Variants in C4orf50 observed in about 807,000 individuals in gnomAD.
The protein encoded by C4orf50 is chromosome 4 open reading frame 50, also known as uncharacterized protein C4orf50.
C4orf50 carries 80 observed loss-of-function variants against 77.2 expected under a neutral mutation model. The observed-to-expected ratio is 1.04, with a 90% confidence interval of 0.87 to 1.25. The LOEUF (loss-of-function observed/expected upper bound fraction) is 1.25, where lower values mean the gene tolerates loss of function less well. C4orf50 is among the 50% of genes most tolerant of loss of function. C4orf50 has a pLI of 0.00. For missense variants in C4orf50, 1,257 were observed against 1,152.9 expected (o/e 1.09, Z -1.31); for synonymous variants, 532 against 465.3 (o/e 1.14, Z -1.84).
exon 28 of C4orf50, chr4:5,990,027 G>A: frequency 7.3e-7 from 1 of 1,362,160 alleles, no homozygotes; most frequent in Non-Finnish European, 9.4e-7. Flanking sequence ...CATGAGCCCT[G>A]GAGAAGGTGG....
At chr4:6,006,852 C>T (rs1334313691) in intron 25 of C4orf50, among the ~76,000 whole-genome samples, 4 of 152,152 alleles carry the variant, frequency 2.6e-5, no homozygotes, top group Non-Finnish European at 5.9e-5. Context: ...ACCCTGACCT[C>T]AAGGAGCTCA....
At chr4:5,929,154 C>A (rs1717648821) in intron 7 of C4orf50, among the ~76,000 whole-genome samples, 1 of 152,172 alleles carries the variant, frequency 6.6e-6, no homozygotes, top group African/African-American at 2.4e-5. Flanking sequence ...CAGATTGTTT[C>A]TAAGAACGCA....
Position 5,932,592 on chromosome 4 carries a change from C to T in C4orf50, c.*2474+24309G>A, listed in dbSNP as rs1222503859. 2.0e-5 allele frequency among the ~76,000 whole-genome samples: 3 copies of T among 152,304 alleles called. No homozygotes were observed. Among genetic ancestry groups the T allele is most frequent in the Non-Finnish European group, 4.4e-5 (3 of 68,028 alleles). On this transcript the variant is annotated intron_variant, in intron 7 of 7. Transcript: ENST00000324058. The surrounding 1 kb of genome is among the most constrained non-coding windows in gnomAD (Gnocchi z 4.2). The stretch of plus-strand genomic sequence containing the variant: ...CTGCAACTACAGGTGCATGCAACCA[C>T]GCCCAGCTAATTTTTATTTTTTAAT...
intron 23 of C4orf50, among the ~76,000 whole-genome samples, chr4:6,014,249 G>T (rs1031125476): frequency 6.6e-6 from 1 of 152,072 alleles, no homozygotes; most frequent in Non-Finnish European, 1.5e-5. Flanking sequence ...TGATCAGCCC[G>T]CCTGGGCCTC....
At chr4:5,937,409 G>A (rs1165171568) in intron 7 of C4orf50, among the ~76,000 whole-genome samples, 1 of 152,060 alleles carries the variant, frequency 6.6e-6, no homozygotes, top group Non-Finnish European at 1.5e-5. Context: ...GAAATATAAT[G>A]TACACCTAGG....
At chr4:5,898,616 C>T (rs144078834) in intron 7 of C4orf50, 2 of 152,304 alleles carry the variant, frequency 1.3e-5, no homozygotes, top group Non-Finnish European at 2.9e-5. Flanking sequence ...ATGGCTATAA[C>T]GTCACTGCAT....
At chr4:5,902,041 C>T (rs541918350) in intron 7 of C4orf50, 1 of 152,368 alleles carries the variant, frequency 6.6e-6, no homozygotes, top group East Asian at 1.9e-4. Flanking sequence ...ACCCCAGGGC[C>T]TACTGTGGTG....
intron 7 of C4orf50, among the ~76,000 whole-genome samples, chr4:5,949,023 C>T (rs1478888825): frequency 1.3e-5 from 2 of 149,330 alleles, no homozygotes; most frequent in African/African-American, 4.9e-5. Context: ...GATGGAAGAA[C>T]TTAACACCAC....
intron 25 of C4orf50, among the ~76,000 whole-genome samples, chr4:6,001,278 T>C (rs934927507): frequency 1.2e-4 from 18 of 152,110 alleles, no homozygotes; most frequent in African/African-American, 4.1e-4. Flanking sequence ...GCCTCCCGAG[T>C]AGCTGGGATT....
intron 30 of C4orf50, among the ~76,000 whole-genome samples, chr4:5,975,024 C>T (rs1325891213): frequency 6.6e-6 from 1 of 151,662 alleles, no homozygotes; most frequent in Non-Finnish European, 1.5e-5. Flanking sequence ...CCTGTAATCC[C>T]AGCTACTTGG....
chr4:5,935,784 T>TAAAAAAAAAAAAA lies in C4orf50; in HGVS notation c.*2474+21104_*2474+21116dup, dbSNP rs769910855. Among the ~76,000 whole-genome samples the TAAAAAAAAAAAAA allele has an allele frequency of 1.0e-3, 32 of 31,490 alleles. 1 individual carries two copies. Among genetic ancestry groups the TAAAAAAAAAAAAA allele is most frequent in the Non-Finnish European group, 1.5e-3 (19 of 12,740 alleles). The allele number at this position is 31,490 out of a possible 152,430, so 20.7% of individuals were successfully genotyped here. On this transcript the variant is annotated intron_variant, in intron 7 of 7. Transcript: ENST00000324058. The stretch of plus-strand genomic sequence containing the variant: ...CTGGGCGACAGAGGGAGACTCCGTC[T>TAAAAAAAAAAAAA]AAAAAAAAAAAAAAAAAAAAAAAAA...
At chr4:6,012,507 T>C (rs181597092) in intron 23 of C4orf50, among the ~76,000 whole-genome samples, 120 of 152,294 alleles carry the variant, frequency 7.9e-4, no homozygotes, top group Admixed American at 2.2e-3. Flanking sequence ...AAGGAAATGA[T>C]TGAAATTCAG....
chr4:5,982,059 T>A (rs1720621126), intron 28 of C4orf50, among the ~76,000 whole-genome samples: 1 of 152,094 alleles, frequency 6.6e-6, no homozygotes, highest in African/African-American at 2.4e-5. Context: ...ATTTTTTTTT[T>A]AATTAATAGA....
At chr4:5,964,855 G>C (rs1345514086) in intron 33 of C4orf50, among the ~76,000 whole-genome samples, 169 bp downstream of exon 11, 1 of 151,758 alleles carries the variant, frequency 6.6e-6, no homozygotes, top group Non-Finnish European at 1.5e-5. Flanking sequence ...CATAGAAGGA[G>C]ACTGAGGGTG....
chr4:5,986,538 ATT>A (rs199690104), intron 28 of C4orf50, among the ~76,000 whole-genome samples: 51,572 of 135,684 alleles, frequency 0.38, 9,352 homozygotes, highest in East Asian at 0.83. Context: ...TAACAACGTC[ATT>A]TTTTTTTTTT....
Position 6,008,535 on chromosome 4 carries a change from A to G in C4orf50, c.427-3T>C, listed in dbSNP as rs972877288. 7.5e-5 allele frequency: 30 copies of G among 397,664 alleles called. No homozygotes were observed. The highest frequency in any genetic ancestry group is 1.2e-4 in the Non-Finnish European group (27 of 225,464). 24.6% of individuals were successfully genotyped at this position (397,664 alleles called of 1,614,324 possible). ...CTGGCCACGCTCTCCTCCCGGATCTACAAGTTGGCGGTGGATGAGGGCGTC... is the reference window on the plus strand; with the variant it reads ...CTGGCCACGCTCTCCTCCCGGATCTGCAAGTTGGCGGTGGATGAGGGCGTC... On this transcript the variant is annotated splice_polypyrimidine_tract_variant and splice_region_variant and intron_variant, in intron 24 of 33. Transcript: ENST00000531445. This position sits in a 1 kb window ranked among gnomAD's most constrained non-coding sequence, Gnocchi z 6.0.
At chr4:5,982,395 C>A (rs181980155) in intron 28 of C4orf50, among the ~76,000 whole-genome samples, 3 of 152,184 alleles carry the variant, frequency 2.0e-5, no homozygotes, top group Non-Finnish European at 4.4e-5. Flanking sequence ...ACATCATGAG[C>A]ACATGGGCAG....
Position 5,916,889 on chromosome 4 carries a change from C to G in C4orf50, c.*2475-18701G>C, listed in dbSNP as rs1417492896. 6.6e-6 allele frequency among the ~76,000 whole-genome samples: 1 copy of G among 152,168 alleles called. No homozygotes were observed. Among genetic ancestry groups the G allele is most frequent in the African/African-American group, 2.4e-5 (1 of 41,454 alleles). On this transcript the variant is annotated intron_variant, in intron 7 of 7. Coordinates refer to the C4orf50 transcript ENST00000324058. This position sits in a 1 kb window ranked among gnomAD's most constrained non-coding sequence, Gnocchi z 4.4. ...AAAGCACTGCAGCTGAGAGCAGAGGCAGGCTGGGGACAGTGCCATCGGGCC... is the reference window on the plus strand; with the variant it reads ...AAAGCACTGCAGCTGAGAGCAGAGGGAGGCTGGGGACAGTGCCATCGGGCC...
chr4:5,966,774 C>T (rs886529204), intron 32 of C4orf50, among the ~76,000 whole-genome samples: 11 of 151,778 alleles, frequency 7.2e-5, no homozygotes, highest in African/African-American at 2.2e-4. Context: ...CTCAGCCTCC[C>T]GAGTAGCTGG....
Sources: allele counts gnomAD v4.1 joint callset (sites outside exome capture counted in the v4.1 genomes callset), GRCh38; gene constraint gnomAD v4.1.1; non-coding constraint Gnocchi (gnomAD v3.1); transcripts MANE v1.5; gene names NCBI Gene and HGNC (gene_info 2026-07-23, HGNC 2026-07-21).